GALNT13: variants seen among roughly 807,000 people sequenced by gnomAD.
GALNT13 encodes UDP-GalNAc:polypeptide N-acetylgalactosaminyltransferase 13.
GALNT13 carries 28 observed loss-of-function variants against 64.2 expected under a neutral mutation model. The ratio of observed to expected loss-of-function variants is 0.44; its 90% confidence interval spans 0.32 to 0.60. The LOEUF is 0.60. Among genes scored for constraint, GALNT13 ranks in the 20% least tolerant of loss-of-function variants. The pLI is 0.05. For synonymous variants in GALNT13, 214 were observed against 224.6 expected, an observed-to-expected ratio of 0.95 and a Z score of 0.42; for missense variants, 577 against 669.8, an observed-to-expected ratio of 0.86 and a Z score of 1.53.
intron 3 of GALNT13, among the ~76,000 whole-genome samples, chr2:153,944,884 G>A (rs1691602192): frequency 6.6e-6 from 1 of 152,106 alleles, no homozygotes; most frequent in Non-Finnish European, 1.5e-5. Flanking sequence ...ATAAATTCTG[G>A]TGTTCTGTGA....
chr2:154,272,373 T>G (rs1194778521), intron 8 of GALNT13, among the ~76,000 whole-genome samples: 1 of 152,008 alleles, frequency 6.6e-6, no homozygotes, highest in Admixed American at 6.6e-5. Flanking sequence ...TTTAGTGAAT[T>G]TCAGTACATT....
the GALNT13 span, among the ~76,000 whole-genome samples, chr2:153,573,275 G>C: frequency 6.6e-6 from 1 of 151,504 alleles, no homozygotes; most frequent in East Asian, 1.9e-4. Flanking sequence ...GCTCTTTTTT[G>C]GTTTCCATTG....
At chr2:153,705,561 A>T in the GALNT13 span, among the ~76,000 whole-genome samples, 1 of 152,222 alleles carries the variant, frequency 6.6e-6, no homozygotes. Context: ...CTATAGGTTA[A>T]GTTCAGGTTG....
At chr2:154,283,532 C>T (rs934407796) in intron 8 of GALNT13, among the ~76,000 whole-genome samples, 2 of 150,112 alleles carry the variant, frequency 1.3e-5, no homozygotes, top group Admixed American at 6.6e-5. Flanking sequence ...ACTTCGAGAT[C>T]GCACCACTGC....
chr2:153,780,637 T>C, the GALNT13 span, among the ~76,000 whole-genome samples: 1 of 152,144 alleles, frequency 6.6e-6, no homozygotes, highest in Non-Finnish European at 1.5e-5. Context: ...ATCATACCAT[T>C]GCAGGTATTA....
At chr2:153,964,004 A>G (rs1354082432) in intron 3 of GALNT13, among the ~76,000 whole-genome samples, 2 of 152,008 alleles carry the variant, frequency 1.3e-5, no homozygotes, top group Non-Finnish European at 2.9e-5. Context: ...TGGAAGATTT[A>G]TGGTTTTAGA....
chr2:154,325,173 G>A (rs1694817937), intron 9 of GALNT13, among the ~76,000 whole-genome samples: 1 of 152,004 alleles, frequency 6.6e-6, no homozygotes, highest in African/African-American at 2.4e-5. Flanking sequence ...GAGAGCCGGG[G>A]CCAGTTTGAA....
chr2:154,311,688 G>A (rs991568645), intron 9 of GALNT13, among the ~76,000 whole-genome samples: 1 of 152,140 alleles, frequency 6.6e-6, no homozygotes, highest in African/African-American at 2.4e-5. Flanking sequence ...TTCCTAATAA[G>A]CCTGGGAGCG....
the GALNT13 span, among the ~76,000 whole-genome samples, chr2:153,085,052 G>C: frequency 1.1e-4 from 16 of 152,300 alleles, no homozygotes; most frequent in South Asian, 8.3e-4. Context: ...CGGAGATGAG[G>C]AACTTGTGGG....
intron 9 of GALNT13, among the ~76,000 whole-genome samples, chr2:154,334,738 G>A (rs1197037499): frequency 1.3e-5 from 2 of 151,918 alleles, no homozygotes; most frequent in Non-Finnish European, 2.9e-5. Flanking sequence ...TTGATACTTG[G>A]TTTATTATAA....
chr2:153,721,257 T>A, the GALNT13 span, among the ~76,000 whole-genome samples: 284 of 149,188 alleles, frequency 1.9e-3, 5 homozygotes, highest in East Asian at 0.041. Flanking sequence ...AGACAAGCAA[T>A]TGCTGAGAGA....
At chr2:153,267,367 C>A in the GALNT13 span, among the ~76,000 whole-genome samples, 2 of 152,236 alleles carry the variant, frequency 1.3e-5, no homozygotes, top group South Asian at 4.1e-4. Flanking sequence ...TTGACCCCTG[C>A]AGCAGACTTC....
chr2:153,269,913 C>A, the GALNT13 span, among the ~76,000 whole-genome samples: 1 of 152,118 alleles, frequency 6.6e-6, no homozygotes, highest in African/African-American at 2.4e-5. Flanking sequence ...GGGGGAAACT[C>A]CCCATAATCC....
At position 154,147,381 on chromosome 2, in the gene GALNT13, TTA is replaced by T. The variant is rs34053196; in HGVS notation, c.311+6896_311+6897del. On this transcript the variant is annotated intron_variant, in intron 4 of 12. Coordinates refer to ENST00000392825, the MANE Select transcript of GALNT13 (RefSeq NM_052917.4). ...TATATATATATATTTGAATGGAATTTTATATATATATATATATATATCTCCTA... is the reference window on the plus strand; with the variant it reads ...TATATATATATATTTGAATGGAATTTTATATATATATATATATATCTCCTA... Among the ~76,000 whole-genome samples, 821 of 144,168 alleles carry T rather than the reference TTA, an allele frequency of 5.7e-3. 8 individuals carry two copies. The highest frequency in any genetic ancestry group is 0.018 in the African/African-American group (695 of 39,552). 94.6% of individuals were successfully genotyped at this position (144,168 alleles called of 152,430 possible).
intron 9 of GALNT13, among the ~76,000 whole-genome samples, chr2:154,395,287 A>G (rs1213434690): frequency 6.6e-6 from 1 of 152,170 alleles, no homozygotes; most frequent in Non-Finnish European, 1.5e-5. Flanking sequence ...ACTAGAAAAC[A>G]TTCTTTTCTG....
intron 9 of GALNT13, among the ~76,000 whole-genome samples, chr2:154,310,429 A>G (rs754278786): frequency 3.9e-5 from 6 of 152,154 alleles, no homozygotes; most frequent in African/African-American, 9.7e-5. Flanking sequence ...ACATATACAG[A>G]CACATATTCA....
At chr2:153,134,487 G>A in the GALNT13 span, among the ~76,000 whole-genome samples, 3 of 152,104 alleles carry the variant, frequency 2.0e-5, no homozygotes, top group Non-Finnish European at 2.9e-5. Flanking sequence ...CTGTTTATCC[G>A]TCTGCTGTAA....
the GALNT13 span, among the ~76,000 whole-genome samples, chr2:153,083,810 C>T: frequency 6.6e-6 from 1 of 152,162 alleles, no homozygotes; most frequent in Non-Finnish European, 1.5e-5. Context: ...AAATCTTTGC[C>T]TAAGCCAATG....
chr2:153,580,496 C>G, the GALNT13 span, among the ~76,000 whole-genome samples: 1 of 151,988 alleles, frequency 6.6e-6, no homozygotes, highest in African/African-American at 2.4e-5. Context: ...AACGCCAAGA[C>G]AATGCAGTAT....
Sources: gnomAD v4.1 joint callset for allele counts (sites outside exome capture counted in the v4.1 genomes callset) on GRCh38, gnomAD v4.1.1 for gene constraint, MANE v1.5 for transcripts, NCBI Gene and HGNC (gene_info 2026-07-23, HGNC 2026-07-21) for gene names.